VASP: variants seen among roughly 807,000 people sequenced by gnomAD.
The protein encoded by VASP is vasodilator-stimulated phosphoprotein.
VASP carries 27 observed loss-of-function variants against 54.4 expected under a neutral mutation model. The observed-to-expected ratio is 0.50, with a 90% confidence interval of 0.37 to 0.68. The LOEUF is 0.68. VASP is among the 30% of genes least tolerant of loss of function. The probability of loss-of-function intolerance (pLI) is 0.00; values close to 1 mark genes in which losing one functional copy is unlikely to be tolerated. For synonymous variants in VASP, 233 were observed against 209.8 expected, an observed-to-expected ratio of 1.11 and a Z score of -0.96; for missense variants, 488 against 528.3, an observed-to-expected ratio of 0.92 and a Z score of 0.75.
chr19:45,522,364 G>C lies in VASP; in HGVS notation c.503G>C (p.Gly168Ala). 1 of 1,568,930 alleles carries C rather than the reference G, an allele frequency of 6.4e-7. No homozygotes were observed. Among genetic ancestry groups the C allele is most frequent in the African/African-American group, 1.4e-5 (1 of 73,886 alleles). ...GGAGGCCCACCTGCTCCCCCCGCTG[G>C]GGGTCCACCCCCACCACCAGGACCT... ...NAGGPPAPPAGGPPPPPGPPP... is the reference protein window; with the variant it reads ...NAGGPPAPPAAGPPPPPGPPP... The change falls in exon 6 of 13, where the codon GGG becomes GCG. Residue 168 changes from glycine to alanine, a missense_variant. Coordinates refer to ENST00000245932, the MANE Select transcript of VASP (RefSeq NM_003370.4).
At position 45,522,226 on chromosome 19, in the gene VASP, C is replaced by T. The variant is rs771324923; in HGVS notation, c.478+9C>T. On this transcript the variant is annotated intron_variant, in intron 5 of 12. Transcript: ENST00000245932. ...CCGGGTCTCCAATGCAGGTGATGCT[C>T]AGATAGCTTCGGGAGTTGGGAGGGG... is the stretch of plus-strand genomic sequence containing the variant. 6.2e-7 allele frequency: 1 copy of T among 1,614,116 alleles called. No homozygotes were observed. Among genetic ancestry groups the T allele is most frequent in the Non-Finnish European group, 8.5e-7 (1 of 1,180,052 alleles).
At position 45,525,911 on chromosome 19, in the gene VASP, C is replaced by T. The variant is rs1054560261; in HGVS notation, c.1048-35C>T. ...GGATTCATTCCTGCAAGTCCCGGTA[C>T]CCCCTCCTGATTAGTTTTACCCCAT... is the stretch of plus-strand genomic sequence containing the variant. On this transcript the variant is annotated intron_variant, in intron 11 of 12. Transcript: ENST00000245932. 7 of 1,590,320 alleles carry T rather than the reference C, an allele frequency of 4.4e-6. No homozygotes were observed. In the Admixed American group the frequency reaches 9.1e-5, roughly 21 times the overall value.
At chr19:45,514,755 GCCTTAACCCTGC>G (rs1968669790) in intron 1 of VASP, among the ~76,000 whole-genome samples, 1 of 152,124 alleles carries the variant, frequency 6.6e-6, no homozygotes, top group Non-Finnish European at 1.5e-5. Flanking sequence ...TGAGGCCGAG[GCCTTAACCCTGC>G]CTTGCCAGGG....
In VASP at chr19:45,507,548, C is replaced by T; in HGVS notation, c.-224C>T. The stretch of plus-strand genomic sequence containing the variant: ...GCGCTGGGGAGCGGACGCTGCATCC[C>T]CTTTCTGCTGCAGGAACCTCTCATC... On this transcript the variant is annotated 5_prime_UTR_variant, in exon 1 of 13. Transcript: ENST00000245932. The surrounding 1 kb of genome is among the most constrained non-coding windows in gnomAD (Gnocchi z 4.4). 1 of 527,316 alleles carries T rather than the reference C, an allele frequency of 1.9e-6. No homozygotes were observed. The allele number at this position is 527,316 out of a possible 1,614,324, so 32.7% of individuals were successfully genotyped here.
chr19:45,525,188 G>C (rs1301834047), intron 11 of VASP: 4 of 155,932 alleles, frequency 2.6e-5, no homozygotes, highest in African/African-American at 9.6e-5. Flanking sequence ...GGCTGAGGTG[G>C]GAGCATTGCT....
Position 45,526,272 on chromosome 19 carries a change from C to T in VASP, c.*95C>T. The T allele has an allele frequency of 6.9e-7, 1 of 1,444,712 alleles. No individual in the cohort carries two copies. Among genetic ancestry groups the T allele is most frequent in the South Asian group, 1.3e-5 (1 of 76,368 alleles). 89.5% of individuals were successfully genotyped at this position (1,444,712 alleles called of 1,614,324 possible). ...TACTTGACTTGGAATTGGCTGAAGA[C>T]TACACAGGAATGCATCGTTCCCACT... On this transcript the variant is annotated 3_prime_UTR_variant, in exon 13 of 13. Transcript: ENST00000245932.
rs1401317660 is a variant in VASP, at chr19:45,507,534, C to A, written c.-238C>A. Reference sequence around the variant, plus strand: ...CCGGCAAGGGGTGCGCGCTGGGGAGCGGACGCTGCATCCCCTTTCTGCTGC... The same window carrying A: ...CCGGCAAGGGGTGCGCGCTGGGGAGAGGACGCTGCATCCCCTTTCTGCTGC... On this transcript the variant is annotated 5_prime_UTR_variant, in exon 1 of 13. Coordinates refer to ENST00000245932, the MANE Select transcript of VASP (RefSeq NM_003370.4). The surrounding 1 kb of genome is among the most constrained non-coding windows in gnomAD (Gnocchi z 4.4). The A allele has an allele frequency of 2.0e-5, 10 of 510,082 alleles. No individual in the cohort carries two copies. In the East Asian group the frequency reaches 3.2e-4, roughly 16 times the overall value. The allele number at this position is 510,082 out of a possible 1,614,324, so 31.6% of individuals were successfully genotyped here.
In VASP at chr19:45,525,885, G is replaced by A. The variant is rs976361840; in HGVS notation, c.1048-61G>A. ...TTCCTTCTCAAAAAATAAAAGAAGGGGGATTCATTCCTGCAAGTCCCGGTA... is the reference window on the plus strand; with the variant it reads ...TTCCTTCTCAAAAAATAAAAGAAGGAGGATTCATTCCTGCAAGTCCCGGTA... On this transcript the variant is annotated intron_variant, in intron 11 of 12. Coordinates refer to ENST00000245932, the MANE Select transcript of VASP (RefSeq NM_003370.4). The A allele has an allele frequency of 2.0e-5, 30 of 1,517,760 alleles. No homozygotes were observed. The African/African-American group carries it at 3.5e-4, about 18-fold the overall frequency. 94.0% of individuals were successfully genotyped at this position (1,517,760 alleles called of 1,614,324 possible).
At chr19:45,523,534 T>G in intron 7 of VASP, 110 bp from the exon 8 acceptor site, 1 of 1,282,430 alleles carries the variant, frequency 7.8e-7, no homozygotes, top group Admixed American at 2.4e-5. Flanking sequence ...TTTCCTTAGG[T>G]TTTCGGAGTT....
At chr19:45,522,114 G>C in intron 4 of VASP, 54 bp from the exon 5 acceptor site, 1 of 1,609,960 alleles carries the variant, frequency 6.2e-7, no homozygotes, top group Non-Finnish European at 8.5e-7. Flanking sequence ...TGGCCCCTTC[G>C]CTGGCCATCC....
intron 1 of VASP, among the ~76,000 whole-genome samples, chr19:45,509,628 TG>T (rs900975020): frequency 1.3e-5 from 2 of 151,788 alleles, no homozygotes; most frequent in Non-Finnish European, 2.9e-5. Flanking sequence ...GGTGCTGGGG[TG>T]GGGTGCGGTG....
At chr19:45,511,708 T>C (rs1486893600) in intron 1 of VASP, among the ~76,000 whole-genome samples, 1 of 152,248 alleles carries the variant, frequency 6.6e-6, no homozygotes, top group African/African-American at 2.4e-5. Flanking sequence ...TACAGTTTTA[T>C]TTATTGAACT....
At position 45,522,161 on chromosome 19, in the gene VASP, C is replaced by T; in HGVS notation, c.429-7C>T. 6.2e-7 allele frequency: 1 copy of T among 1,613,792 alleles called. No homozygotes were observed. Among genetic ancestry groups the T allele is most frequent in the South Asian group, 1.1e-5 (1 of 91,070 alleles). On this transcript the variant is annotated splice_region_variant and splice_polypyrimidine_tract_variant and intron_variant, in intron 4 of 12. Coordinates refer to ENST00000245932, the MANE Select transcript of VASP (RefSeq NM_003370.4). Reference sequence around the variant, plus strand: ...ATTGACGGCAGCTCTCTCGCCTCCCCCCACAGGCAGCAGCCCGGCCCGTCG... The same window carrying T: ...ATTGACGGCAGCTCTCTCGCCTCCCTCCACAGGCAGCAGCCCGGCCCGTCG...
At chr19:45,509,200 G>A (rs955571663) in intron 1 of VASP, among the ~76,000 whole-genome samples, 29 of 152,316 alleles carry the variant, frequency 1.9e-4, no homozygotes, top group Middle Eastern at 3.4e-3. Context: ...TGAAAGGCAT[G>A]GCTGGAAAAT....
intron 4 of VASP, among the ~76,000 whole-genome samples, chr19:45,521,678 C>T (rs537359042): frequency 6.6e-6 from 1 of 152,252 alleles, no homozygotes; most frequent in South Asian, 2.1e-4. Context: ...CGCCTGAGGT[C>T]AGGAGTTTGA....
intron 1 of VASP, among the ~76,000 whole-genome samples, chr19:45,512,295 G>GTT (rs534325123): frequency 4.2e-5 from 6 of 143,592 alleles, no homozygotes; most frequent in Non-Finnish European, 6.1e-5. Context: ...GCTCCTCACT[G>GTT]TTTTTTTTTT....
In VASP at chr19:45,518,003, C is replaced by T. The variant is rs200244178; in HGVS notation, c.252C>T (p.Asp84=). 1.2e-5 allele frequency: 19 copies of T among 1,613,994 alleles called. No individual in the cohort carries two copies. The highest frequency in any genetic ancestry group is 4.5e-5 in the East Asian group (2 of 44,878). Residue 84 remains aspartate, a synonymous_variant, in exon 3 of 13, where the codon GAC becomes GAT. Coordinates refer to ENST00000245932, the MANE Select transcript of VASP (RefSeq NM_003370.4). ...QATPNFHQWR[D]ARQVWGLNFG... is the part of the protein sequence containing the mutation. ...CCCCCAACTTCCATCAGTGGCGCGA[C>T]GCTCGCCAGGTCTGGGGCCTCAACT...
At position 45,521,390 on chromosome 19, in the gene VASP, G is replaced by A; in HGVS notation, c.412G>A (p.Val138Met). 1.3e-6 allele frequency: 2 copies of A among 1,571,156 alleles called. No individual in the cohort carries two copies. Among genetic ancestry groups the A allele is most frequent in the East Asian group, 2.3e-5 (1 of 43,198 alleles). Residue 138 changes from valine to methionine, a missense_variant, in exon 4 of 13, where the codon GTG (valine) becomes ATG (methionine). Val to Met is a conservative substitution (Grantham distance 21). Around this residue, in one of 4 missense-constraint regions of VASP, gnomAD observed 226 missense variants for 196.0 expected, o/e 1.15. Coordinates refer to ENST00000245932, the MANE Select transcript of VASP (RefSeq NM_003370.4). ...SVPNGPSPEE[V>M]EQQKRQQPGP... ...CCCGAACGGCCCCTCCCCGGAGGAGGTGGAGCAGCAGAAAAGGTGGGGCTG... is the reference window on the plus strand; with the variant it reads ...CCCGAACGGCCCCTCCCCGGAGGAGATGGAGCAGCAGAAAAGGTGGGGCTG...
intron 3 of VASP, among the ~76,000 whole-genome samples, chr19:45,518,874 C>T (rs1390352238): frequency 6.6e-6 from 1 of 152,194 alleles, no homozygotes; most frequent in Non-Finnish European, 1.5e-5. Flanking sequence ...CTCTGTCACC[C>T]AGGCTGGAGT....
Sources: allele counts gnomAD v4.1 joint callset (sites outside exome capture counted in the v4.1 genomes callset), GRCh38; gene constraint gnomAD v4.1.1; regional missense constraint gnomAD v4.1.1; non-coding constraint Gnocchi (gnomAD v3.1); transcripts MANE v1.5; gene names NCBI Gene and HGNC (gene_info 2026-07-23, HGNC 2026-07-21).